NFASC: variants seen among roughly 807,000 people sequenced by gnomAD.
NFASC encodes the protein neurofascin.
NFASC carries 43 observed loss-of-function variants against 147.5 expected under a neutral mutation model. That is an observed-to-expected ratio of 0.29 (90% CI 0.23 to 0.38). The LOEUF is 0.38. Ranked by LOEUF, NFASC falls within the 10% of genes least tolerant of loss-of-function variation. The probability of loss-of-function intolerance (pLI) is 1.00; values close to 1 mark genes in which losing one functional copy is unlikely to be tolerated. For synonymous variants in NFASC, 622 were observed against 665.5 expected (o/e 0.93, Z 1.01); for missense variants, 1,320 against 1,689.0 (o/e 0.78, Z 3.83).
intron 1 of NFASC, among the ~76,000 whole-genome samples, chr1:204,906,751 C>T (rs1360863150): frequency 6.1e-5 from 9 of 148,294 alleles, no homozygotes; most frequent in South Asian, 2.1e-4. Context: ...GGCGCGATCT[C>T]GGCTCACTGC....
chr1:204,994,507 C>T (rs2095805142), intron 24 of NFASC, among the ~76,000 whole-genome samples: 1 of 152,110 alleles, frequency 6.6e-6, no homozygotes, highest in African/African-American at 2.4e-5. Context: ...GTCTGAGGGC[C>T]ACATGAGAGA....
At chr1:204,939,064 G>A (rs1015593645) in intron 2 of NFASC, among the ~76,000 whole-genome samples, 4 of 151,662 alleles carry the variant, frequency 2.6e-5, no homozygotes, top group African/African-American at 7.2e-5. Context: ...GTGTGTGTGT[G>A]TGTGTGTGTG....
intron 1 of NFASC, among the ~76,000 whole-genome samples, chr1:204,877,977 C>T (rs1162514557): frequency 3.9e-5 from 6 of 152,158 alleles, no homozygotes; most frequent in African/African-American, 2.4e-5. Flanking sequence ...ACTTCCGGAC[C>T]CAGGCTTCCC....
At chr1:204,909,145 A>C (rs1195816359) in intron 1 of NFASC, among the ~76,000 whole-genome samples, 1 of 152,194 alleles carries the variant, frequency 6.6e-6, no homozygotes, top group African/African-American at 2.4e-5. Context: ...ATGTTTAGTT[A>C]TTTAAGAAAC....
intron 3 of NFASC, among the ~76,000 whole-genome samples, chr1:204,945,764 C>T (rs183873767): frequency 6.6e-6 from 1 of 152,272 alleles, no homozygotes; most frequent in East Asian, 1.9e-4. Context: ...GAGGCTGGCT[C>T]GAGGAGAGTT....
At chr1:204,829,834 T>C (rs1341245789) in intron 1 of NFASC, among the ~76,000 whole-genome samples, 1 of 152,162 alleles carries the variant, frequency 6.6e-6, no homozygotes, top group Non-Finnish European at 1.5e-5. Context: ...AAGATTCTGC[T>C]TCAGCCTCCA....
At position 204,979,635 on chromosome 1, in the gene NFASC, A is replaced by G; in HGVS notation, c.2176+76A>G. 1 of 1,388,040 alleles carries G rather than the reference A, an allele frequency of 7.2e-7. No homozygotes were observed. The highest frequency in any genetic ancestry group is 1.2e-5 in the South Asian group (1 of 86,342). 86.0% of individuals were successfully genotyped at this position (1,388,040 alleles called of 1,614,324 possible). A position where few individuals can be genotyped will look rare whatever the true frequency, so the allele number is the denominator to read the frequency against. On this transcript the variant is annotated intron_variant, in intron 19 of 29. Coordinates refer to ENST00000339876, the MANE Select transcript of NFASC (RefSeq NM_001005388.3). This position sits in a 1 kb window ranked among gnomAD's most constrained non-coding sequence, Gnocchi z 6.0. ...CTCACACTGAGATCCCCCCATTCCC[A>G]GCCATGTGAACTTAGGTTACTTAAC...
chr1:204,963,114 C>G (rs2094769728), intron 8 of NFASC, among the ~76,000 whole-genome samples: 1 of 152,096 alleles, frequency 6.6e-6, no homozygotes, highest in Admixed American at 6.5e-5. Context: ...CTGTGATGTG[C>G]TAATACAAAG....
At chr1:204,948,944 G>T (rs1320818283) in intron 3 of NFASC, among the ~76,000 whole-genome samples, 1 of 152,194 alleles carries the variant, frequency 6.6e-6, no homozygotes, top group African/African-American at 2.4e-5. Flanking sequence ...AAGCCAACTG[G>T]AGTTACCTTT....
intron 1 of NFASC, among the ~76,000 whole-genome samples, chr1:204,829,085 G>C (rs1450054352): frequency 2.6e-5 from 3 of 115,824 alleles, no homozygotes; most frequent in African/African-American, 1.0e-4. Context: ...TTTCCTCTCT[G>C]TCCCCGCCTC....
chr1:204,976,453 C>A (rs768310689), intron 15 of NFASC, among the ~76,000 whole-genome samples: 2 of 152,218 alleles, frequency 1.3e-5, no homozygotes, highest in Non-Finnish European at 2.9e-5. Context: ...GCCACTTGAG[C>A]TCCGCCCACT....
chr1:204,980,492 G>T, intron 20 of NFASC, 52 bp downstream of exon 20: 1 of 1,381,120 alleles, frequency 7.2e-7, no homozygotes, highest in South Asian at 1.2e-5. Flanking sequence ...CGCATGCACC[G>T]GGAGCCCCTC....
intron 24 of NFASC, 92 bp downstream of exon 24, chr1:204,991,398 A>T: frequency 1.5e-6 from 2 of 1,335,404 alleles, no homozygotes; most frequent in Non-Finnish European, 2.1e-6. Flanking sequence ...GGAGAGGCTC[A>T]GGCTGAAAGC....
chr1:204,948,456 G>A (rs567215834), intron 3 of NFASC, among the ~76,000 whole-genome samples: 2 of 152,182 alleles, frequency 1.3e-5, no homozygotes, highest in Non-Finnish European at 2.9e-5. Context: ...AACTCTTGCT[G>A]CCCTGAGAGT....
intron 8 of NFASC, among the ~76,000 whole-genome samples, chr1:204,962,320 G>A (rs2150132597): frequency 6.6e-6 from 1 of 152,318 alleles, no homozygotes; most frequent in East Asian, 1.9e-4. Context: ...GGCAGTGTGG[G>A]GGTTTGAGGT....
intron 1 of NFASC, among the ~76,000 whole-genome samples, chr1:204,905,511 A>C (rs1440737525): frequency 6.6e-6 from 1 of 152,076 alleles, no homozygotes; most frequent in Non-Finnish European, 1.5e-5. Flanking sequence ...TCTTGGGAGA[A>C]GTATCTATTC....
At chr1:205,009,515 C>A (rs1530744) in intron 27 of NFASC, 42 bp from the exon 28 acceptor site, 685,518 of 1,604,224 alleles carry the variant, frequency 0.43, 157,740 homozygotes, top group Non-Finnish European at 0.48. Context: ...CCATCTCCCC[C>A]ATGAAATCAT....
rs561764083 is a variant in NFASC at position 205,016,735 on chromosome 1, C to T, written c.*196C>T. 17 of 650,114 alleles carry T rather than the reference C, an allele frequency of 2.6e-5. No individual in the cohort carries two copies. Among genetic ancestry groups the T allele is most frequent in the African/African-American group, 3.6e-5 (2 of 56,232 alleles). The allele number at this position is 650,114 out of a possible 1,614,324, so 40.3% of individuals were successfully genotyped here. On this transcript the variant is annotated 3_prime_UTR_variant, in exon 30 of 30. Coordinates refer to ENST00000339876, the MANE Select transcript of NFASC (RefSeq NM_001005388.3). This position sits in a 1 kb window ranked among gnomAD's most constrained non-coding sequence, Gnocchi z 5.1. ...CCTCCCAATGACCCCCCTTCAGCCC[C>T]GGGTGCCACCAGTGTGGGAGAGCTG... is the stretch of plus-strand genomic sequence containing the variant.
Position 205,009,579 on chromosome 1 carries a change from C to T in NFASC, c.3312C>T (p.Asp1104=). The change falls in exon 28 of 30, where the codon GAC becomes GAT. Residue 1104 remains aspartate (D), a synonymous_variant. Coordinates refer to ENST00000339876, the MANE Select transcript of NFASC (RefSeq NM_001005388.3). The part of the protein sequence containing the change: ...TSTAYTNNQA[D]IATQGWFIGL... ...CAGCTTACACCAACAACCAAGCGGACATCGCCACCCAGGGCTGGTTCATTG... is the reference window on the plus strand; with the variant it reads ...CAGCTTACACCAACAACCAAGCGGATATCGCCACCCAGGGCTGGTTCATTG... The T allele has an allele frequency of 6.2e-7, 1 of 1,614,160 alleles. No homozygotes were observed. Among genetic ancestry groups the T allele is most frequent in the South Asian group, 1.1e-5 (1 of 91,086 alleles).
Sources: allele counts gnomAD v4.1 joint callset (sites outside exome capture counted in the v4.1 genomes callset), GRCh38; gene constraint gnomAD v4.1.1; non-coding constraint Gnocchi (gnomAD v3.1); transcripts MANE v1.5; gene names NCBI Gene and HGNC (gene_info 2026-07-23, HGNC 2026-07-21).